LRP1: variants seen among roughly 807,000 people sequenced by gnomAD.
LRP1 encodes LDL receptor related protein 1, also known as prolow-density lipoprotein receptor-related protein 1.
In LRP1, 51 loss-of-function variants were observed where a neutral mutation model predicts 541.5. The observed-to-expected ratio is 0.09, with a 90% CI of 0.08 to 0.12. The LOEUF is 0.12. Among genes scored for constraint, LRP1 ranks in the 10% least tolerant of loss-of-function variants. The pLI is 1.00. For synonymous variants in LRP1, 2,219 were observed against 2,470.8 expected, an observed-to-expected ratio of 0.90 and a Z score of 3.02; for missense variants, 3,878 against 6,376.2, an observed-to-expected ratio of 0.61 and a Z score of 13.34.
rs1438693196 is a variant in LRP1, at chr12:57,165,799, C to T, written c.2531-6C>T. 6.2e-7 allele frequency: 1 copy of T among 1,613,238 alleles called. No individual in the cohort carries two copies. The highest frequency in any genetic ancestry group is 1.3e-5 in the African/African-American group (1 of 74,948). ...TTTCCCCCTCACGATCCTGTGGTGC[C>T]CACAGCGAACCCATCCTACGTGCCT... On this transcript the variant is annotated splice_region_variant and splice_polypyrimidine_tract_variant and intron_variant, in intron 15 of 88. Transcript: ENST00000243077. This position sits in a 1 kb window ranked among gnomAD's most constrained non-coding sequence, Gnocchi z 4.5.
chr12:57,192,277 G>GT (rs2036428089), intron 44 of LRP1, among the ~76,000 whole-genome samples: 1 of 151,884 alleles, frequency 6.6e-6, no homozygotes, highest in African/African-American at 2.4e-5. Flanking sequence ...TTCCCACCAA[G>GT]GCATCTACGC....
chr12:57,207,970 G>A (rs1362787042), intron 76 of LRP1, 68 bp from the exon 77 acceptor site: 1 of 1,556,046 alleles, frequency 6.4e-7, no homozygotes, highest in African/African-American at 1.4e-5. Flanking sequence ...CAGGCTGGCA[G>A]AGTGGTGGCG....
In LRP1 at chr12:57,177,286, C is replaced by A. The variant is rs779368875; in HGVS notation, c.4196+41C>A. 3.4e-5 allele frequency: 55 copies of A among 1,603,998 alleles called. No homozygotes were observed. The highest frequency in any genetic ancestry group is 4.7e-5 in the Non-Finnish European group (55 of 1,172,376). ...AGCCTTCTCCTGGCCCCATGGCCCC[C>A]CTGAAGTCCCATTCAGCCTGGCCAG... On this transcript the variant is annotated intron_variant, in intron 25 of 88. Transcript: ENST00000243077. The surrounding 1 kb of genome is among the most constrained non-coding windows in gnomAD (Gnocchi z 6.8).
rs759088039 is a variant in LRP1 at position 57,180,043 on chromosome 12, C to T, written c.5142-4C>T. On this transcript the variant is annotated splice_polypyrimidine_tract_variant and splice_region_variant and intron_variant, in intron 30 of 88. Transcript: ENST00000243077. ...ACCTTTCCCTCTTGGCACCCTCCCC[C>T]CAGGAAGCTCTACTGGACCGATGGT... 6 of 1,613,788 alleles carry T rather than the reference C, an allele frequency of 3.7e-6. No homozygotes were observed. Among genetic ancestry groups the T allele is most frequent in the Non-Finnish European group, 4.2e-6 (5 of 1,179,948 alleles).
At chr12:57,172,004 T>A (rs2035952250) in intron 20 of LRP1, among the ~76,000 whole-genome samples, 1 of 133,450 alleles carries the variant, frequency 7.5e-6, no homozygotes, top group Non-Finnish European at 1.6e-5. Flanking sequence ...CCCTCTGACC[T>A]GCATTCCTGC....
At position 57,178,452 on chromosome 12, in the gene LRP1, G is replaced by A. The variant is rs200750193; in HGVS notation, c.4455G>A (p.Thr1485=). The change falls in exon 27 of 89, where the codon ACG becomes ACA. Residue 1485 remains threonine (T), a synonymous_variant. Coordinates refer to ENST00000243077, the MANE Select transcript of LRP1 (RefSeq NM_002332.3). The surrounding 1 kb of genome is among the most constrained non-coding windows in gnomAD (Gnocchi z 5.8). ...TCCTGTCGCACCCGTTTGCAGTGAC[G>A]CTGTACGGGGGGGAGGTCTACTGGA... ...HEFLSHPFAV[T]LYGGEVYWTD... 85 of 1,614,114 alleles carry A rather than the reference G, an allele frequency of 5.3e-5. No individual in the cohort carries two copies. The highest frequency in any genetic ancestry group is 5.5e-5 in the South Asian group (5 of 91,094).
chr12:57,152,798 T>C (rs865924100), intron 6 of LRP1, among the ~76,000 whole-genome samples: 2 of 152,196 alleles, frequency 1.3e-5, no homozygotes, highest in African/African-American at 4.8e-5. Flanking sequence ...ACTAGTTTGA[T>C]GAAGCCCTCA....
intron 19 of LRP1, 110 bp from the exon 20 acceptor site, chr12:57,169,030 G>A: frequency 1.2e-6 from 1 of 855,900 alleles, no homozygotes; most frequent in Non-Finnish European, 1.8e-6. Context: ...CAGTGGGGGG[G>A]TTAGGGTGGG....
chr12:57,197,359 G>A lies in LRP1; in HGVS notation c.9137G>A (p.Gly3046Glu), dbSNP rs1369476328. 6.2e-7 allele frequency: 1 copy of A among 1,613,792 alleles called. No individual in the cohort carries two copies. Among genetic ancestry groups the A allele is most frequent in the Non-Finnish European group, 8.5e-7 (1 of 1,179,786 alleles). Residue 3046 changes from glycine to glutamate, a missense_variant, in exon 57 of 89, where the codon GGG becomes GAG. Gly to Glu is a moderately conservative substitution (Grantham distance 98). This residue lies in a region of LRP1 where 1,100 missense variants were observed against 1,827.4 expected (regional missense o/e 0.60). Transcript: ENST00000243077. The surrounding 1 kb of genome is among the most constrained non-coding windows in gnomAD (Gnocchi z 4.5). The part of the protein sequence containing the change: ...RYYLRKLNLD[G>E]SNYTLLKQGL... The stretch of plus-strand genomic sequence containing the variant: ...TACCTGCGCAAGCTCAACCTGGACG[G>A]GTCCAACTACACGTTACTTAAGCAG...
Position 57,205,697 on chromosome 12 carries a change from G to A in LRP1, c.11590+20G>A. On this transcript the variant is annotated intron_variant, in intron 75 of 88. Coordinates refer to ENST00000243077, the MANE Select transcript of LRP1 (RefSeq NM_002332.3). The surrounding 1 kb of genome is among the most constrained non-coding windows in gnomAD (Gnocchi z 4.6). ...CCGAAGGTGCCGGAGCCACCAGAGGGCAGAAAGGCTGGGTGGGGCAGGGCG... is the reference window on the plus strand; with the variant it reads ...CCGAAGGTGCCGGAGCCACCAGAGGACAGAAAGGCTGGGTGGGGCAGGGCG... The A allele has an allele frequency of 1.2e-6, 2 of 1,606,572 alleles. No individual in the cohort carries two copies. Among genetic ancestry groups the A allele is most frequent in the Non-Finnish European group, 8.5e-7 (1 of 1,179,592 alleles).
chr12:57,140,697 C>T (rs1257822830), intron 2 of LRP1, among the ~76,000 whole-genome samples: 1 of 152,040 alleles, frequency 6.6e-6, no homozygotes, highest in Non-Finnish European at 1.5e-5. Flanking sequence ...GTTTCTCTGC[C>T]ATGGACCCTG....
At position 57,158,217 on chromosome 12, in the gene LRP1, C is replaced by A. The variant is rs1385193968; in HGVS notation, c.1562-185C>A. ...GCAGAGGTCAGACCCCAGGGTATTG[C>A]GGCCAGGACCCATCGTCCTGTATGT... On this transcript the variant is annotated intron_variant, in intron 10 of 88. Transcript: ENST00000243077. This position sits in a 1 kb window ranked among gnomAD's most constrained non-coding sequence, Gnocchi z 5.3. Among the ~76,000 whole-genome samples, 1 of 152,208 alleles carries A rather than the reference C, an allele frequency of 6.6e-6. No homozygotes were observed. Among genetic ancestry groups the A allele is most frequent in the African/African-American group, 2.4e-5 (1 of 41,446 alleles).
chr12:57,209,013 G>A, intron 78 of LRP1, 70 bp from the exon 79 acceptor site: 1 of 1,314,874 alleles, frequency 7.6e-7, no homozygotes. Context: ...CCCGGGCATG[G>A]AGGCAGTTCT....
rs1383536117 is a variant in LRP1 at position 57,143,696 on chromosome 12, T to C, written c.346T>C (p.Ser116Pro). The part of the protein sequence containing the change: ...PHCRELQGNC[S>P]RLGCQHHCVP... ...CCACACAGAGCTCCAAGGCAACTGC[T>C]CTCGCCTGGGCTGCCAGCACCATTG... Residue 116 changes from serine (S) to proline (P), a missense_variant, in exon 4 of 89, where the codon TCT (serine) becomes CCT (proline). By Grantham distance (74) the Ser-to-Pro change is moderately conservative. Coordinates refer to ENST00000243077, the MANE Select transcript of LRP1 (RefSeq NM_002332.3). 6.2e-7 allele frequency: 1 copy of C among 1,613,920 alleles called. No individual in the cohort carries two copies. The highest frequency in any genetic ancestry group is 1.1e-5 in the South Asian group (1 of 91,058).
In LRP1 at chr12:57,165,946, G is replaced by A. The variant is rs2035829602; in HGVS notation, c.2671+1G>A. ...AGTGATGAGGCCCCAGCCCTCTGCC[G>A]TGAGTCACACGCCCTGCCCCACCCT... On this transcript the variant is annotated splice_donor_variant, in intron 16 of 88. Coordinates refer to ENST00000243077, the MANE Select transcript of LRP1 (RefSeq NM_002332.3). LOFTEE classifies it high-confidence loss of function. The surrounding 1 kb of genome is among the most constrained non-coding windows in gnomAD (Gnocchi z 4.5). 1.2e-6 allele frequency: 2 copies of A among 1,614,066 alleles called. No individual in the cohort carries two copies. The highest frequency in any genetic ancestry group is 1.7e-6 in the Non-Finnish European group (2 of 1,179,980).
chr12:57,207,801 T>C (rs2136752626), intron 76 of LRP1, among the ~76,000 whole-genome samples: 1 of 152,350 alleles, frequency 6.6e-6, no homozygotes, highest in East Asian at 1.9e-4. Context: ...GGGTTTCACT[T>C]TGTTTATCAA....
rs34630693 is a variant in LRP1 at position 57,212,472 on chromosome 12, C to T, written c.13552C>T (p.Arg4518Cys). ...ATLYMGGHGS[R>C]HSLASTDEKR... The stretch of plus-strand genomic sequence containing the variant: ...ACTCTACATGGGGGGCCATGGCAGT[C>T]GCCACTCCCTGGCCAGCACGGACGA... Residue 4518 changes from arginine to cysteine, a missense_variant, in exon 89 of 89, where the codon CGC becomes TGC. Arg to Cys is a radical substitution (Grantham distance 180). Transcript: ENST00000243077. This position sits in a 1 kb window ranked among gnomAD's most constrained non-coding sequence, Gnocchi z 5.0. 22 of 1,613,966 alleles carry T rather than the reference C, an allele frequency of 1.4e-5. No individual in the cohort carries two copies. The highest frequency in any genetic ancestry group is 2.7e-5 in the African/African-American group (2 of 74,904).
rs766778756 is a variant in LRP1 at position 57,194,509 on chromosome 12, C to G, written c.8068+6C>G. On this transcript the variant is annotated splice_donor_region_variant and intron_variant, in intron 49 of 88. Coordinates refer to ENST00000243077, the MANE Select transcript of LRP1 (RefSeq NM_002332.3). ...TGATGAGCGCGACTGCCCAGGTGGG[C>G]GGGGGCAGGTGTGTGGTGGGTGGTG... 6.2e-7 allele frequency: 1 copy of G among 1,608,094 alleles called. No individual in the cohort carries two copies. The highest frequency in any genetic ancestry group is 1.3e-5 in the African/African-American group (1 of 74,766).
chr12:57,208,295 T>A, intron 77 of LRP1, 79 bp downstream of exon 77: 2 of 1,450,474 alleles, frequency 1.4e-6, no homozygotes, highest in Non-Finnish European at 1.9e-6. Context: ...TGCACCCACA[T>A]GCGTGCCCTT....
Sources: gnomAD v4.1 joint callset for allele counts (sites outside exome capture counted in the v4.1 genomes callset) on GRCh38, gnomAD v4.1.1 for gene constraint, gnomAD v4.1.1 regional missense constraint, Gnocchi (gnomAD v3.1) non-coding constraint, MANE v1.5 for transcripts, NCBI Gene and HGNC (gene_info 2026-07-23, HGNC 2026-07-21) for gene names.